SIPA1L1: variants seen among roughly 807,000 people sequenced by gnomAD.
SIPA1L1 encodes signal induced proliferation associated 1 like 1.
SIPA1L1 carries 26 observed loss-of-function variants against 162.7 expected under a neutral mutation model. That is an observed-to-expected ratio of 0.16 (90% CI 0.12 to 0.22). SIPA1L1 has a LOEUF of 0.22. SIPA1L1 is among the 10% of genes least tolerant of loss of function. The probability of loss-of-function intolerance (pLI) is 1.00; values close to 1 mark genes in which losing one functional copy is unlikely to be tolerated. For missense variants in SIPA1L1, 1,874 were observed against 2,241.0 expected (o/e 0.84, Z 3.31); for synonymous variants, 829 against 837.4 (o/e 0.99, Z 0.17).
chr14:71,430,644 G>A (rs2043918087), intron 2 of SIPA1L1, among the ~76,000 whole-genome samples: 1 of 152,236 alleles, frequency 6.6e-6, no homozygotes, highest in Admixed American at 6.5e-5. Context: ...CTGAGGCTGA[G>A]TGTCACATAA....
chr14:71,457,393 G>A (rs541202419), intron 2 of SIPA1L1, among the ~76,000 whole-genome samples: 50 of 147,150 alleles, frequency 3.4e-4, no homozygotes, highest in African/African-American at 1.2e-3. Flanking sequence ...TCCGCCTCCC[G>A]GTTCAAACGG....
chr14:71,567,633 A>G (rs1953980842), intron 4 of SIPA1L1, among the ~76,000 whole-genome samples: 1 of 150,582 alleles, frequency 6.6e-6, no homozygotes, highest in Non-Finnish European at 1.5e-5. Flanking sequence ...TGAGGTGGAC[A>G]ATTTCCAGAA....
chr14:71,672,667 GTTT>G (rs752290926), intron 12 of SIPA1L1, 45 bp downstream of exon 12: 2 of 1,592,178 alleles, frequency 1.3e-6, no homozygotes, highest in East Asian at 4.5e-5. Context: ...CGAGTGCAGG[GTTT>G]GTGTACCATG....
intron 5 of SIPA1L1, among the ~76,000 whole-genome samples, chr14:71,593,233 A>G (rs2035620434): frequency 6.7e-6 from 1 of 148,456 alleles, no homozygotes; most frequent in South Asian, 2.1e-4. Flanking sequence ...ATTTATTGAG[A>G]CAGAGTCTCA....
At chr14:71,421,328 C>T (rs2043173330) in intron 2 of SIPA1L1, among the ~76,000 whole-genome samples, 3 of 152,122 alleles carry the variant, frequency 2.0e-5, no homozygotes, top group Admixed American at 2.0e-4. Context: ...CATGGTGGCT[C>T]ACGCCTGTAA....
chr14:71,546,456 A>G (rs1256841122), intron 4 of SIPA1L1, among the ~76,000 whole-genome samples: 2 of 135,172 alleles, frequency 1.5e-5, no homozygotes, highest in African/African-American at 5.7e-5. Flanking sequence ...ATCTCAGCTC[A>G]CTGCAACCTC....
chr14:71,442,937 TAAAAC>T (rs753958031), intron 2 of SIPA1L1, among the ~76,000 whole-genome samples: 1 of 152,104 alleles, frequency 6.6e-6, no homozygotes, highest in South Asian at 2.1e-4. Context: ...CTGTGTCTCT[TAAAAC>T]AAACAAACAA....
chr14:71,449,799 T>C (rs1011565473), intron 2 of SIPA1L1, among the ~76,000 whole-genome samples: 3 of 152,238 alleles, frequency 2.0e-5, no homozygotes, highest in Non-Finnish European at 4.4e-5. Context: ...GCTACTGTTC[T>C]ATTTGTTCTG....
chr14:71,367,464 G>C (rs963274738), intron 2 of SIPA1L1, among the ~76,000 whole-genome samples: 94 of 151,596 alleles, frequency 6.2e-4, no homozygotes, highest in African/African-American at 2.1e-3. Context: ...CCGCCACCGC[G>C]CCCGGCTAAT....
chr14:71,598,613 G>C (rs534324752), intron 5 of SIPA1L1, among the ~76,000 whole-genome samples: 1 of 152,306 alleles, frequency 6.6e-6, no homozygotes, highest in South Asian at 2.1e-4. Flanking sequence ...GAATCTATAG[G>C]GGATTAAAAA....
At chr14:71,626,952 A>C (rs1182989327) in intron 7 of SIPA1L1, among the ~76,000 whole-genome samples, 1 of 152,002 alleles carries the variant, frequency 6.6e-6, no homozygotes, top group Non-Finnish European at 1.5e-5. Context: ...TAAATATAAA[A>C]GAAAGCACTG....
At position 71,587,780 on chromosome 14, in the gene SIPA1L1, T is replaced by C. The variant is rs1273139929; in HGVS notation, c.-93T>C. 8 of 1,155,216 alleles carry C rather than the reference T, an allele frequency of 6.9e-6. No homozygotes were observed. In the East Asian group the frequency reaches 1.9e-4, roughly 27 times the overall value. 71.6% of individuals were successfully genotyped at this position (1,155,216 alleles called of 1,614,324 possible). ...AAGATCTCATGCAACTGTTGTATTTTCTGGAAGCCATTCTCCAAAAGGGAA... is the reference window on the plus strand; with the variant it reads ...AAGATCTCATGCAACTGTTGTATTTCCTGGAAGCCATTCTCCAAAAGGGAA... On this transcript the variant is annotated 5_prime_UTR_variant, in exon 5 of 24. Coordinates refer to ENST00000381232, the MANE Select transcript of SIPA1L1 (RefSeq NM_001386936.1).
intron 15 of SIPA1L1, among the ~76,000 whole-genome samples, chr14:71,704,031 C>T (rs1172103680): frequency 6.6e-6 from 1 of 152,106 alleles, no homozygotes; most frequent in Non-Finnish European, 1.5e-5. Flanking sequence ...CTGAAGCCTG[C>T]CAAAGAAGCC....
intron 2 of SIPA1L1, among the ~76,000 whole-genome samples, chr14:71,344,928 A>G (rs1040023239): frequency 6.6e-6 from 1 of 152,194 alleles, no homozygotes; most frequent in Admixed American, 6.5e-5. Flanking sequence ...ATGGAAAGAT[A>G]TATTTCATTT....
At chr14:71,658,310 C>T (rs1370111375) in intron 8 of SIPA1L1, 23 bp from the exon 9 acceptor site, 1 of 1,154,272 alleles carries the variant, frequency 8.7e-7, no homozygotes, top group Non-Finnish European at 1.3e-6. Flanking sequence ...GTCATCTCAT[C>T]ATTATATTTT....
At chr14:71,496,937 C>T (rs960045187) in intron 2 of SIPA1L1, among the ~76,000 whole-genome samples, 13 of 151,958 alleles carry the variant, frequency 8.6e-5, no homozygotes, top group African/African-American at 2.7e-4. Flanking sequence ...TTTGGGAGGC[C>T]GAGGCAGGAG....
At chr14:71,541,287 A>T (rs987405974) in intron 4 of SIPA1L1, among the ~76,000 whole-genome samples, 1 of 152,202 alleles carries the variant, frequency 6.6e-6, no homozygotes, top group African/African-American at 2.4e-5. Flanking sequence ...CCAAGAGGGC[A>T]TGTTTCATTT....
intron 4 of SIPA1L1, among the ~76,000 whole-genome samples, chr14:71,556,824 G>T (rs1415823446): frequency 6.6e-6 from 1 of 152,004 alleles, no homozygotes; most frequent in Non-Finnish European, 1.5e-5. Context: ...TGGACAAAAA[G>T]CACATTATCT....
intron 4 of SIPA1L1, among the ~76,000 whole-genome samples, chr14:71,546,033 G>A (rs529237275): frequency 1.6e-4 from 24 of 151,982 alleles, no homozygotes; most frequent in Non-Finnish European, 2.4e-4. Flanking sequence ...CAGTGAGCTG[G>A]GATTGTCCCA....
Sources: allele counts gnomAD v4.1 joint callset (sites outside exome capture counted in the v4.1 genomes callset), GRCh38; gene constraint gnomAD v4.1.1; transcripts MANE v1.5; gene names NCBI Gene and HGNC (gene_info 2026-07-23, HGNC 2026-07-21).